ATXN2: variants seen among roughly 807,000 people sequenced by gnomAD.
The protein encoded by ATXN2 is ataxin-2.
Under a neutral mutation model 138.6 loss-of-function variants are expected in ATXN2, and 37 were observed. The observed-to-expected ratio is 0.27, with a 90% CI of 0.21 to 0.35. The LOEUF (loss-of-function observed/expected upper bound fraction) is 0.35. Among genes scored for constraint, ATXN2 ranks in the 10% least tolerant of loss-of-function variants. ATXN2 has a pLI of 1.00. For missense variants in ATXN2, 1,216 were observed against 1,480.3 expected (o/e 0.82, Z 2.93); for synonymous variants, 549 against 543.7 (o/e 1.01, Z -0.13).
intron 5 of ATXN2, among the ~76,000 whole-genome samples, chr12:111,527,721 A>G (rs77838113): frequency 0.019 from 2,892 of 152,350 alleles, 46 homozygotes; most frequent in Non-Finnish European, 0.028. Context: ...AGCATTCACT[A>G]GAAATGGCTG....
chr12:111,528,753 G>A (rs372499619), intron 5 of ATXN2, among the ~76,000 whole-genome samples: 1 of 152,078 alleles, frequency 6.6e-6, no homozygotes, highest in Non-Finnish European at 1.5e-5. Context: ...TGCAGAAGTG[G>A]AGAGTTAGCA....
chr12:111,458,124 A>G (rs944603018), intron 21 of ATXN2: 1 of 151,124 alleles, frequency 6.6e-6, no homozygotes, highest in African/African-American at 2.5e-5. Flanking sequence ...TACAAAAACC[A>G]TTTCTTCATG....
intron 18 of ATXN2, among the ~76,000 whole-genome samples, chr12:111,473,685 C>G (rs1876581433): frequency 2.0e-5 from 3 of 151,884 alleles, no homozygotes; most frequent in African/African-American, 7.3e-5. Context: ...CATCTAGGAA[C>G]TCACTGACTA....
At chr12:111,539,070 T>A (rs1475591967) in intron 5 of ATXN2, among the ~76,000 whole-genome samples, 1 of 150,440 alleles carries the variant, frequency 6.6e-6, no homozygotes, top group African/African-American at 2.4e-5. Context: ...AAGATACTGT[T>A]TATGGGTGAA....
At chr12:111,592,116 G>A (rs1884698154) in intron 1 of ATXN2, among the ~76,000 whole-genome samples, 2 of 146,154 alleles carry the variant, frequency 1.4e-5, no homozygotes, top group Non-Finnish European at 3.0e-5. Flanking sequence ...AGGCTGGGCG[G>A]GGGTGGCTCA....
At chr12:111,492,596 T>C (rs7138498) in intron 14 of ATXN2, among the ~76,000 whole-genome samples, 57,638 of 151,748 alleles carry the variant, frequency 0.38, 15,022 homozygotes, top group East Asian at 0.9. Context: ...GCAGGAGAAT[T>C]GCTTGAATCC....
chr12:111,567,330 T>C (rs1883066319), intron 1 of ATXN2, among the ~76,000 whole-genome samples: 1 of 151,260 alleles, frequency 6.6e-6, no homozygotes, highest in Non-Finnish European at 1.5e-5. Context: ...TGAAACCCCG[T>C]CTCTACTAAA....
intron 6 of ATXN2, 91 bp downstream of exon 6, chr12:111,525,101 C>T: frequency 6.9e-7 from 1 of 1,450,618 alleles, no homozygotes; most frequent in Non-Finnish European, 9.2e-7. Flanking sequence ...ACTACAATAA[C>T]AACAACAACA....
intron 5 of ATXN2, among the ~76,000 whole-genome samples, chr12:111,546,460 T>C (rs938892109): frequency 6.6e-6 from 1 of 152,084 alleles, no homozygotes; most frequent in Non-Finnish European, 1.5e-5. Flanking sequence ...TATGCTACAA[T>C]AAAATTTATT....
chr12:111,591,331 T>G (rs1449047431), intron 1 of ATXN2, among the ~76,000 whole-genome samples: 1 of 152,050 alleles, frequency 6.6e-6, no homozygotes, highest in Non-Finnish European at 1.5e-5. Flanking sequence ...ACGTTTCTAT[T>G]TATTTCAAGG....
intron 1 of ATXN2, among the ~76,000 whole-genome samples, chr12:111,574,225 G>A (rs779704494): frequency 6.1e-5 from 9 of 146,372 alleles, no homozygotes; most frequent in Non-Finnish European, 1.2e-4. Context: ...GGAGAATGGC[G>A]TGAACCCGAG....
intron 1 of ATXN2, among the ~76,000 whole-genome samples, chr12:111,596,484 A>T (rs1315923942): frequency 1.3e-5 from 2 of 151,948 alleles, no homozygotes. Flanking sequence ...CGAATGCTGC[A>T]TTTTTTTTCA....
chr12:111,491,073 G>T (rs1464361671), intron 14 of ATXN2, among the ~76,000 whole-genome samples: 1 of 152,076 alleles, frequency 6.6e-6, no homozygotes, highest in African/African-American at 2.4e-5. Flanking sequence ...CCAACATGGA[G>T]AAACCTCATC....
At chr12:111,515,097 T>C (rs1003812435) in intron 10 of ATXN2, among the ~76,000 whole-genome samples, 55 of 152,208 alleles carry the variant, frequency 3.6e-4, no homozygotes, top group African/African-American at 1.3e-3. Context: ...AGAAGTCACC[T>C]TGAAAATCAG....
intron 5 of ATXN2, among the ~76,000 whole-genome samples, chr12:111,547,204 G>A (rs10849955): frequency 0.1 from 15,298 of 152,164 alleles, 2,564 homozygotes; most frequent in African/African-American, 0.35. Context: ...CAAGGTGGGT[G>A]GATCATGAGG....
intron 21 of ATXN2, among the ~76,000 whole-genome samples, chr12:111,460,745 T>C (rs149515707): frequency 6.6e-6 from 1 of 152,262 alleles, no homozygotes; most frequent in East Asian, 1.9e-4. Flanking sequence ...ATTCATCAAC[T>C]GGAAAAATGT....
At chr12:111,465,028 A>T (rs1875890698) in intron 20 of ATXN2, among the ~76,000 whole-genome samples, 1 of 152,244 alleles carries the variant, frequency 6.6e-6, no homozygotes, top group South Asian at 2.1e-4. Context: ...CATGTACCAA[A>T]ATAAAACTAT....
chr12:111,533,465 A>C (rs939157100), intron 5 of ATXN2, among the ~76,000 whole-genome samples: 5 of 152,192 alleles, frequency 3.3e-5, no homozygotes, highest in Non-Finnish European at 7.3e-5. Context: ...ATGACAAGAA[A>C]AAAAGTCTGT....
intron 14 of ATXN2, 21 bp from the exon 15 acceptor site, chr12:111,488,801 T>C: frequency 2.6e-6 from 4 of 1,543,472 alleles, no homozygotes; most frequent in Non-Finnish European, 3.5e-6. Flanking sequence ...GAAACAATTA[T>C]ACTTAAATAT....
Sources: allele counts gnomAD v4.1 joint callset (sites outside exome capture counted in the v4.1 genomes callset), GRCh38; gene constraint gnomAD v4.1.1; transcripts MANE v1.5; gene names NCBI Gene and HGNC (gene_info 2026-07-23, HGNC 2026-07-21).